Variants in LDLRAD3 observed in about 807,000 individuals in gnomAD.
LDLRAD3 encodes low-density lipoprotein receptor class A domain-containing protein 3.
Under a neutral mutation model 29.4 loss-of-function variants are expected in LDLRAD3, and 20 were observed. The observed-to-expected ratio is 0.68, with a 90% CI of 0.48 to 0.99. LDLRAD3 has a LOEUF of 0.99. Ranked by LOEUF, LDLRAD3 falls within the 50% of genes least tolerant of loss-of-function variation. The pLI is 0.00. For missense variants in LDLRAD3, 420 were observed against 454.3 expected (o/e 0.92, Z 0.69); for synonymous variants, 157 against 192.7 (o/e 0.81, Z 1.53).
chr11:36,191,067 AAAAG>A (rs1373248139), intron 4 of LDLRAD3, among the ~76,000 whole-genome samples: 1 of 152,204 alleles, frequency 6.6e-6, no homozygotes, highest in African/African-American at 2.4e-5. Flanking sequence ...TAAACCAAGA[AAAAG>A]AAAGACACAG....
At chr11:36,117,652 G>C (rs576888921) in intron 4 of LDLRAD3, among the ~76,000 whole-genome samples, 5 of 152,342 alleles carry the variant, frequency 3.3e-5, no homozygotes, top group Non-Finnish European at 4.4e-5. Flanking sequence ...CCCACCCAGC[G>C]TGACAGTGTG....
intron 2 of LDLRAD3, among the ~76,000 whole-genome samples, chr11:36,053,927 G>A (rs970805514): frequency 2.0e-5 from 3 of 152,074 alleles, no homozygotes; most frequent in Admixed American, 6.5e-5. Context: ...TGATGGATGG[G>A]GTTCCCTAGA....
chr11:36,037,707 C>G (rs1268536935), intron 2 of LDLRAD3, among the ~76,000 whole-genome samples: 1 of 152,214 alleles, frequency 6.6e-6, no homozygotes, highest in East Asian at 1.9e-4. Context: ...TCACACACCT[C>G]TGGAGCAAGC....
chr11:36,216,017 A>C (rs1313675536), intron 4 of LDLRAD3, among the ~76,000 whole-genome samples: 7 of 152,184 alleles, frequency 4.6e-5, no homozygotes, highest in African/African-American at 1.4e-4. Context: ...GACGCGGCAG[A>C]GTGTCATACA....
At chr11:36,114,194 A>G (rs961847640) in intron 4 of LDLRAD3, among the ~76,000 whole-genome samples, 1 of 152,168 alleles carries the variant, frequency 6.6e-6, no homozygotes, top group East Asian at 1.9e-4. Flanking sequence ...GACTTTTAGA[A>G]GATTTGTTGC....
intron 2 of LDLRAD3, among the ~76,000 whole-genome samples, chr11:36,077,164 T>C (rs1853026409): frequency 6.6e-6 from 1 of 152,210 alleles, no homozygotes. Flanking sequence ...TGTTATCTTG[T>C]CTGATATCAG....
intron 2 of LDLRAD3, among the ~76,000 whole-genome samples, chr11:36,057,142 C>T (rs1852633217): frequency 6.6e-6 from 1 of 152,148 alleles, no homozygotes. Context: ...TATTCTCAAT[C>T]AGGAGGCCTA....
intron 1 of LDLRAD3, among the ~76,000 whole-genome samples, chr11:36,007,427 C>T (rs886234300): frequency 3.3e-5 from 5 of 152,140 alleles, no homozygotes; most frequent in African/African-American, 9.7e-5. Context: ...AAATTAGAAC[C>T]TGCTTCTGGG....
chr11:36,214,028 T>C (rs934022196), intron 4 of LDLRAD3, among the ~76,000 whole-genome samples: 7 of 152,126 alleles, frequency 4.6e-5, no homozygotes, highest in Non-Finnish European at 8.8e-5. Context: ...TCATCCTGAT[T>C]TTACAGTCCC....
At chr11:36,132,058 T>A (rs1341761958) in intron 4 of LDLRAD3, among the ~76,000 whole-genome samples, 1 of 144,444 alleles carries the variant, frequency 6.9e-6, no homozygotes, top group Non-Finnish European at 1.5e-5. Context: ...CAGCTGGGAT[T>A]TTTTTTTTTT....
chr11:36,105,311 T>C (rs998460136), intron 4 of LDLRAD3, among the ~76,000 whole-genome samples: 9 of 151,632 alleles, frequency 5.9e-5, no homozygotes, highest in African/African-American at 2.2e-4. Flanking sequence ...TTCTTCAAGT[T>C]GGCATTTTTG....
chr11:36,144,895 G>A (rs1854154938), intron 4 of LDLRAD3, among the ~76,000 whole-genome samples: 2 of 108,874 alleles, frequency 1.8e-5, no homozygotes, highest in Admixed American at 8.3e-5. Context: ...CCGTCCGGGA[G>A]GTGAGGGGCG....
chr11:36,155,076 G>T (rs1436173019), intron 4 of LDLRAD3, among the ~76,000 whole-genome samples: 1 of 152,112 alleles, frequency 6.6e-6, no homozygotes, highest in Non-Finnish European at 1.5e-5. Context: ...AATCTTTCCA[G>T]TTCAGGCTGG....
At chr11:36,169,697 C>A (rs529506723) in intron 4 of LDLRAD3, among the ~76,000 whole-genome samples, 4 of 152,246 alleles carry the variant, frequency 2.6e-5, no homozygotes, top group Non-Finnish European at 5.9e-5. Flanking sequence ...TTTATCTATT[C>A]ATCCATTGAT....
chr11:36,025,730 A>T (rs61879140), intron 1 of LDLRAD3, among the ~76,000 whole-genome samples: 2 of 141,738 alleles, frequency 1.4e-5, no homozygotes, highest in African/African-American at 5.3e-5. Flanking sequence ...GAAGTTCATT[A>T]TGTACGATCC....
intron 4 of LDLRAD3, among the ~76,000 whole-genome samples, chr11:36,210,220 A>G (rs1038732302): frequency 6.6e-5 from 10 of 152,188 alleles, no homozygotes; most frequent in African/African-American, 2.4e-4. Flanking sequence ...TGAATGAGTG[A>G]ATTCATTCTG....
intron 1 of LDLRAD3, among the ~76,000 whole-genome samples, chr11:36,012,364 A>C (rs1851966654): frequency 6.6e-6 from 1 of 152,178 alleles, no homozygotes; most frequent in Non-Finnish European, 1.5e-5. Flanking sequence ...ATTTTTTCTC[A>C]CTGTACATCT....
intron 4 of LDLRAD3, among the ~76,000 whole-genome samples, chr11:36,225,569 A>G (rs1446847886): frequency 6.6e-6 from 1 of 152,148 alleles, no homozygotes; most frequent in Non-Finnish European, 1.5e-5. Context: ...GGCAGGTCTT[A>G]TTCGGGTGAT....
intron 4 of LDLRAD3, among the ~76,000 whole-genome samples, chr11:36,118,887 C>A (rs1853712637): frequency 6.6e-6 from 1 of 151,936 alleles, no homozygotes; most frequent in Non-Finnish European, 1.5e-5. Flanking sequence ...AGTTTGATTT[C>A]TGTTTCTATG....
Sources: gnomAD v4.1 joint callset for allele counts (sites outside exome capture counted in the v4.1 genomes callset) on GRCh38, gnomAD v4.1.1 for gene constraint, MANE v1.5 for transcripts, NCBI Gene and HGNC (gene_info 2026-07-23, HGNC 2026-07-21) for gene names.